Variants in NTRK3 observed in about 807,000 individuals in gnomAD.
NTRK3 encodes neurotrophic receptor tyrosine kinase 3.
In NTRK3, 24 loss-of-function variants were observed where a neutral mutation model predicts 91.7. The ratio of observed to expected loss-of-function variants is 0.26; its 90% CI spans 0.19 to 0.37. NTRK3 has a LOEUF of 0.37. Ranked by LOEUF, NTRK3 falls within the 10% of genes least tolerant of loss-of-function variation. The probability of loss-of-function intolerance (pLI) is 1.00; values close to 1 mark genes in which losing one functional copy is unlikely to be tolerated. For missense variants in NTRK3, 880 were observed against 1,068.9 expected, an observed-to-expected ratio of 0.82 and a Z score of 2.46; for synonymous variants, 483 against 404.0, an observed-to-expected ratio of 1.20 and a Z score of -2.34.
At chr15:88,092,570 A>C (rs1307846591) in intron 13 of NTRK3, among the ~76,000 whole-genome samples, 1 of 152,174 alleles carries the variant, frequency 6.6e-6, no homozygotes, top group East Asian at 1.9e-4. Flanking sequence ...AGGTGTGTCC[A>C]TTTCTTATGG....
At chr15:88,172,095 G>A (rs1003904774) in intron 5 of NTRK3, among the ~76,000 whole-genome samples, 4 of 152,154 alleles carry the variant, frequency 2.6e-5, no homozygotes, top group South Asian at 4.1e-4. Flanking sequence ...CAGAACAATC[G>A]CAGTGGCTGC....
At chr15:87,968,120 A>C (rs1039909807) in intron 14 of NTRK3, among the ~76,000 whole-genome samples, 6 of 152,208 alleles carry the variant, frequency 3.9e-5, no homozygotes, top group Non-Finnish European at 8.8e-5. Context: ...GGTATTATTC[A>C]TGAAGTTGTC....
chr15:88,050,171 A>G (rs536395364), intron 13 of NTRK3, among the ~76,000 whole-genome samples: 1 of 152,270 alleles, frequency 6.6e-6, no homozygotes, highest in Admixed American at 6.5e-5. Context: ...TGTCAATATA[A>G]TATCAGGGTT....
chr15:88,235,976 GA>G lies in NTRK3; in HGVS notation c.248+19929del, dbSNP rs2051687803. Among the ~76,000 whole-genome samples, 1 of 152,144 alleles carries G rather than the reference GA, an allele frequency of 6.6e-6. No individual in the cohort carries two copies. Among genetic ancestry groups the G allele is most frequent in the African/African-American group, 2.4e-5 (1 of 41,434 alleles). On this transcript the variant is annotated intron_variant, in intron 3 of 18. Transcript: ENST00000394480. The surrounding 1 kb of genome is among the most constrained non-coding windows in gnomAD (Gnocchi z 5.2). ...ACATAAATGTGTCTCTCCTAACCCA[GA>G]TTAATCAAAAACAGTCCTAGAGTGT...
intron 3 of NTRK3, among the ~76,000 whole-genome samples, chr15:88,187,333 G>A (rs2047022393): frequency 6.6e-6 from 1 of 152,156 alleles, no homozygotes; most frequent in South Asian, 2.1e-4. Context: ...AAGAGCAAGA[G>A]GATGAAGATG....
intron 15 of NTRK3, among the ~76,000 whole-genome samples, chr15:87,937,630 T>C (rs1308669560): frequency 1.3e-5 from 2 of 152,138 alleles, no homozygotes; most frequent in African/African-American, 2.4e-5. Context: ...AAATGACTAA[T>C]ATTATCAAAA....
At chr15:88,191,709 T>C (rs2047411678) in intron 3 of NTRK3, among the ~76,000 whole-genome samples, 1 of 152,266 alleles carries the variant, frequency 6.6e-6, no homozygotes, top group Non-Finnish European at 1.5e-5. Flanking sequence ...GTATTATGTC[T>C]AGTGATCCAG....
chr15:88,190,949 CACAT>C (rs1296261424), intron 3 of NTRK3, among the ~76,000 whole-genome samples: 1 of 152,204 alleles, frequency 6.6e-6, no homozygotes, highest in Non-Finnish European at 1.5e-5. Context: ...CATTCACACA[CACAT>C]ACATGCACAT....
At chr15:88,114,533 A>C (rs564879170) in intron 13 of NTRK3, among the ~76,000 whole-genome samples, 2 of 152,238 alleles carry the variant, frequency 1.3e-5, no homozygotes, top group African/African-American at 4.8e-5. Context: ...CATTCTTGGT[A>C]TGCAACTATA....
intron 13 of NTRK3, among the ~76,000 whole-genome samples, chr15:88,035,531 C>T (rs900306959): frequency 6.6e-5 from 10 of 152,172 alleles, no homozygotes; most frequent in Non-Finnish European, 5.9e-5. Context: ...GGAGATCTAC[C>T]AGTGGAAAGT....
intron 3 of NTRK3, among the ~76,000 whole-genome samples, chr15:88,221,795 A>G (rs1410825503): frequency 6.6e-6 from 1 of 152,202 alleles, no homozygotes; most frequent in East Asian, 1.9e-4. Flanking sequence ...AATGGCTCAC[A>G]AGGGCCTGAC....
intron 13 of NTRK3, among the ~76,000 whole-genome samples, chr15:88,114,409 T>C (rs1297917162): frequency 6.6e-6 from 1 of 152,212 alleles, no homozygotes; most frequent in Non-Finnish European, 1.5e-5. Context: ...AAATATTTTC[T>C]CTTTATTTTA....
At chr15:88,127,272 T>G in intron 11 of NTRK3, 46 bp from the exon 12 acceptor site, 1 of 1,546,946 alleles carries the variant, frequency 6.5e-7, no homozygotes, top group Non-Finnish European at 8.9e-7. Flanking sequence ...GCTTCCCGGC[T>G]GGGGAGGCTC....
At chr15:88,078,205 T>C (rs189785918) in intron 13 of NTRK3, among the ~76,000 whole-genome samples, 41 of 152,280 alleles carry the variant, frequency 2.7e-4, no homozygotes. Flanking sequence ...TCAGGGTCTG[T>C]TGCAATGTAC....
chr15:88,065,161 G>C (rs765115071), intron 13 of NTRK3, among the ~76,000 whole-genome samples: 8 of 152,074 alleles, frequency 5.3e-5, no homozygotes, highest in Non-Finnish European at 8.8e-5. Flanking sequence ...AGAGGGTAGA[G>C]GTCACCTTAG....
chr15:88,191,089 T>A lies in NTRK3; in HGVS notation c.249-6790A>T, dbSNP rs116147683. 2.2e-3 allele frequency among the ~76,000 whole-genome samples: 339 copies of A among 152,234 alleles called. 3 individuals are homozygous for A. The highest frequency in any genetic ancestry group is 7.6e-3 in the African/African-American group (317 of 41,546). On this transcript the variant is annotated intron_variant, in intron 3 of 18. Coordinates refer to ENST00000394480, the Ensembl canonical transcript of NTRK3. ...GGTGCAGTCACAATTCACATTTACA[T>A]GGCGGTACCTAAGCGTACGACACTA...
intron 17 of NTRK3, among the ~76,000 whole-genome samples, chr15:87,901,779 G>C (rs1204561812): frequency 6.6e-6 from 1 of 151,132 alleles, no homozygotes; most frequent in Non-Finnish European, 1.5e-5. Context: ...GGGAGAGGGG[G>C]AGAAAGGGAG....
At chr15:87,904,244 G>T (rs1171808790) in intron 17 of NTRK3, among the ~76,000 whole-genome samples, 5 of 151,848 alleles carry the variant, frequency 3.3e-5, no homozygotes, top group African/African-American at 9.7e-5. Flanking sequence ...TCAGTTTCCG[G>T]GGTTCAAGTG....
At chr15:88,008,061 G>A (rs79113131) in intron 14 of NTRK3, among the ~76,000 whole-genome samples, 19 of 152,292 alleles carry the variant, frequency 1.2e-4, no homozygotes, top group African/African-American at 3.1e-4. Context: ...ACACTAGAGA[G>A]AGGTTCCTAT....
Sources: allele counts gnomAD v4.1 joint callset (sites outside exome capture counted in the v4.1 genomes callset), GRCh38; gene constraint gnomAD v4.1.1; non-coding constraint Gnocchi (gnomAD v3.1); transcripts MANE v1.5; gene names NCBI Gene and HGNC (gene_info 2026-07-23, HGNC 2026-07-21).